Variants in PCDHGA6 observed in about 807,000 individuals in gnomAD.
PCDHGA6 encodes protocadherin gamma subfamily A, 6.
A neutral mutation model predicts 60.6 loss-of-function variants in PCDHGA6; 41 were observed. The ratio of observed to expected loss-of-function variants is 0.68; its 90% CI spans 0.53 to 0.88. PCDHGA6 has a LOEUF of 0.88. PCDHGA6 is among the 40% of genes least tolerant of loss of function. The probability of loss-of-function intolerance (pLI) is 0.00; values close to 1 mark genes in which losing one functional copy is unlikely to be tolerated. For synonymous variants in PCDHGA6, 594 were observed against 524.4 expected (o/e 1.13, Z -1.81); for missense variants, 1,312 against 1,203.0 (o/e 1.09, Z -1.34).
chr5:141,464,271 A>AT (rs1336006891), intron 1 of PCDHGA6, among the ~76,000 whole-genome samples: 1 of 136,538 alleles, frequency 7.3e-6, no homozygotes, highest in Non-Finnish European at 1.5e-5. Flanking sequence ...TCTAAAAAAA[A>AT]AAAAAAGCAA....
Position 141,398,941 on chromosome 5 carries a change from G to A in PCDHGA6, c.2424+22434G>A. 4.3e-6 allele frequency: 7 copies of A among 1,613,890 alleles called. No homozygotes were observed. The highest frequency in any genetic ancestry group is 5.9e-6 in the Non-Finnish European group (7 of 1,179,892). ...AGTGTCAGCCACTGACCAAGACGAG[G>A]GCATCAACTCAGAAATTACTTATTC... is the stretch of plus-strand genomic sequence containing the variant. On this transcript the variant is annotated intron_variant, in intron 1 of 3. Transcript: ENST00000517434.
At chr5:141,463,773 C>A (rs2099069188) in intron 1 of PCDHGA6, among the ~76,000 whole-genome samples, 1 of 152,088 alleles carries the variant, frequency 6.6e-6, no homozygotes, top group Non-Finnish European at 1.5e-5. Context: ...GGGTTAGAAT[C>A]CTGCACTGTC....
At chr5:141,510,534 C>T (rs1187165551) in intron 3 of PCDHGA6, among the ~76,000 whole-genome samples, 2 of 152,126 alleles carry the variant, frequency 1.3e-5, no homozygotes, top group African/African-American at 2.4e-5. Context: ...AGAGAAATAC[C>T]AGCGAATGTG....
intron 1 of PCDHGA6, among the ~76,000 whole-genome samples, chr5:141,433,497 C>G (rs2097615154): frequency 6.6e-6 from 1 of 152,076 alleles, no homozygotes; most frequent in Non-Finnish European, 1.5e-5. Flanking sequence ...CCCTCCCAAA[C>G]TGCTGGGATT....
At chr5:141,506,487 G>A (rs1265051912) in intron 3 of PCDHGA6, among the ~76,000 whole-genome samples, 3 of 150,464 alleles carry the variant, frequency 2.0e-5, no homozygotes, top group Non-Finnish European at 4.4e-5. Flanking sequence ...TTAGAGGCAG[G>A]CCAATCTGGA....
At chr5:141,415,740 G>GTTTTTTTTTTTTTTTTT (rs57426385) in intron 1 of PCDHGA6, 21 of 625,042 alleles carry the variant, frequency 3.4e-5, no homozygotes, top group African/African-American at 7.5e-5. Flanking sequence ...GTTTATTAAG[G>GTTTTTTTTTTTTTTTTT]TTTTTTTTTT....
At chr5:141,387,610 T>A in intron 1 of PCDHGA6, 2 of 558,176 alleles carry the variant, frequency 3.6e-6, no homozygotes, top group East Asian at 3.0e-5. Flanking sequence ...AGGCTGTAGT[T>A]TCCTAGTGCT....
At position 141,399,013 on chromosome 5, in the gene PCDHGA6, G is replaced by A. The variant is rs145783835; in HGVS notation, c.2424+22506G>A. 9.5e-3 allele frequency: 15,345 copies of A among 1,613,900 alleles called. 158 individuals are homozygous for A. Among genetic ancestry groups the A allele is most frequent in the South Asian group, 0.02 (1,850 of 91,076 alleles). On this transcript the variant is annotated intron_variant, in intron 1 of 3. Coordinates refer to ENST00000517434, the MANE Select transcript of PCDHGA6 (RefSeq NM_018919.3). ...CTTTAGTCTGAATTCAAAGAGCGGA[G>A]AAATTACCACTCAAAAGAAACTGGA...
chr5:141,433,408 A>T lies in PCDHGA6; in HGVS notation c.2424+56901A>T, dbSNP rs1052180455. On this transcript the variant is annotated intron_variant, in intron 1 of 3. Coordinates refer to ENST00000517434, the MANE Select transcript of PCDHGA6 (RefSeq NM_018919.3). Reference sequence around the variant, plus strand: ...CTATCTATCTATCTATCTATCTATTACTTTCTTGTACAGACAGGAGTCTCA... The same window carrying T: ...CTATCTATCTATCTATCTATCTATTTCTTTCTTGTACAGACAGGAGTCTCA... 4.2e-3 allele frequency among the ~76,000 whole-genome samples: 537 copies of T among 127,344 alleles called. 4 individuals carry two copies. The highest frequency in any genetic ancestry group is 0.015 in the African/African-American group (523 of 34,010). 83.5% of individuals were successfully genotyped at this position (127,344 alleles called of 152,430 possible). A position where few individuals can be genotyped will look rare whatever the true frequency, so the allele number is the denominator to read the frequency against.
chr5:141,393,543 C>T lies in PCDHGA6; in HGVS notation c.2424+17036C>T, dbSNP rs763455922. On this transcript the variant is annotated intron_variant, in intron 1 of 3. Coordinates refer to ENST00000517434, the MANE Select transcript of PCDHGA6 (RefSeq NM_018919.3). ...AAATGACAATGCCCCGGTTTTTCCT[C>T]ACCCGATTTACCGAGTGAAAGTCCT... is the stretch of plus-strand genomic sequence containing the variant. 7 of 1,613,870 alleles carry T rather than the reference C, an allele frequency of 4.3e-6. No individual in the cohort carries two copies. In the Admixed American group the frequency reaches 8.3e-5, roughly 19 times the overall value.
In PCDHGA6 at chr5:141,477,590, C is replaced by T. The variant is rs1465863595; in HGVS notation, c.2425-17217C>T. On this transcript the variant is annotated intron_variant, in intron 1 of 3. Coordinates refer to ENST00000517434, the MANE Select transcript of PCDHGA6 (RefSeq NM_018919.3). This position sits in a 1 kb window ranked among gnomAD's most constrained non-coding sequence, Gnocchi z 4.9. ...CCCCGACGCCCCGCAGAATGCTCGG[C>T]TTTCTTTCTTTCTCTTGGAGCAAGG... The T allele has an allele frequency of 1.2e-6, 2 of 1,614,122 alleles. No individual in the cohort carries two copies. Among genetic ancestry groups the T allele is most frequent in the South Asian group, 2.2e-5 (2 of 91,080 alleles).
intron 1 of PCDHGA6, chr5:141,383,672 G>A: frequency 6.2e-7 from 1 of 1,614,030 alleles, no homozygotes; most frequent in Non-Finnish European, 8.5e-7. Flanking sequence ...GTGCCAGTGG[G>A]TACAAGACTG....
Position 141,392,858 on chromosome 5 carries a change from G to A in PCDHGA6, c.2424+16351G>A, listed in dbSNP as rs764346882. The A allele has an allele frequency of 1.9e-5, 31 of 1,612,486 alleles. No homozygotes were observed. The East Asian group carries it at 6.2e-4, about 32-fold the overall frequency. ...GCCCCAGACGCGGCGAGCTGATCCT[G>A]CTGTGCGCGCTGCTGGGAACGCTGT... On this transcript the variant is annotated intron_variant, in intron 1 of 3. Transcript: ENST00000517434.
chr5:141,419,981 A>G (rs2096455772), intron 1 of PCDHGA6: 2 of 1,613,934 alleles, frequency 1.2e-6, no homozygotes, highest in East Asian at 2.2e-5. Flanking sequence ...CCTCGCGGTG[A>G]TTCTAGCTAT....
At chr5:141,412,509 A>G (rs1452202369) in intron 1 of PCDHGA6, 2 of 152,208 alleles carry the variant, frequency 1.3e-5, no homozygotes, top group Admixed American at 1.3e-4. Flanking sequence ...AATAAGTTTA[A>G]TGAATTAAGT....
chr5:141,426,364 G>C (rs918838005), intron 1 of PCDHGA6: 1 of 202,328 alleles, frequency 4.9e-6, no homozygotes, highest in Non-Finnish European at 1.0e-5. Flanking sequence ...TTTGTTCTGC[G>C]GGGCACCCTC....
intron 1 of PCDHGA6, chr5:141,395,037 G>A: frequency 1.9e-6 from 3 of 1,614,134 alleles, no homozygotes; most frequent in Non-Finnish European, 2.5e-6. Flanking sequence ...ACATTTTGTG[G>A]GTGTTGAGGA....
At chr5:141,385,262 A>C (rs746220376) in intron 1 of PCDHGA6, 5 of 1,613,732 alleles carry the variant, frequency 3.1e-6, no homozygotes, top group Non-Finnish European at 4.2e-6. Flanking sequence ...TGTGAGAAAA[A>C]TGATTCTTTG....
intron 1 of PCDHGA6, among the ~76,000 whole-genome samples, chr5:141,484,795 C>T (rs1265916821): frequency 6.6e-6 from 1 of 151,784 alleles, no homozygotes; most frequent in African/African-American, 2.4e-5. Context: ...AGATAACAAC[C>T]CGTGGAAAAA....
Sources: gnomAD v4.1 joint callset for allele counts (sites outside exome capture counted in the v4.1 genomes callset) on GRCh38, gnomAD v4.1.1 for gene constraint, Gnocchi (gnomAD v3.1) non-coding constraint, MANE v1.5 for transcripts, NCBI Gene and HGNC (gene_info 2026-07-23, HGNC 2026-07-21) for gene names.